CNTNAP4: variants seen among roughly 807,000 people sequenced by gnomAD.
The protein encoded by CNTNAP4 is contactin associated protein family member 4.
A neutral mutation model predicts 148.4 loss-of-function variants in CNTNAP4; 98 were observed. That is an observed-to-expected ratio of 0.66 (90% CI 0.56 to 0.78). The LOEUF is 0.78. Among genes scored for constraint, CNTNAP4 ranks in the 30% least tolerant of loss-of-function variants. The pLI is 0.00. For missense variants in CNTNAP4, 1,935 were observed against 1,565.6 expected (o/e 1.24, Z -3.98); for synonymous variants, 730 against 565.1 (o/e 1.29, Z -4.14).
chr16:76,280,471 T>C (rs1364385240), intron 1 of CNTNAP4, among the ~76,000 whole-genome samples: 1 of 152,208 alleles, frequency 6.6e-6, no homozygotes, highest in Non-Finnish European at 1.5e-5. Context: ...TATGTGTATG[T>C]AGATATCTGT....
intron 1 of CNTNAP4, among the ~76,000 whole-genome samples, chr16:76,303,767 A>G (rs529431999): frequency 6.6e-5 from 10 of 152,306 alleles, no homozygotes; most frequent in East Asian, 1.9e-4. Flanking sequence ...AAAGAAAACT[A>G]TGGTCTTTTG....
At chr16:76,529,244 C>T (rs1194150416) in intron 17 of CNTNAP4, among the ~76,000 whole-genome samples, 2 of 151,852 alleles carry the variant, frequency 1.3e-5, no homozygotes, top group African/African-American at 4.8e-5. Flanking sequence ...TCACTTTGTC[C>T]TTTGTGTGTG....
chr16:76,521,055 A>G, intron 15 of CNTNAP4, 85 bp from the exon 16 acceptor site: 1 of 1,294,560 alleles, frequency 7.7e-7, no homozygotes, highest in Non-Finnish European at 1.1e-6. Flanking sequence ...AGTGCTAAAA[A>G]TAGAACATGT....
At chr16:76,450,115 C>T (rs7202463) in intron 7 of CNTNAP4, among the ~76,000 whole-genome samples, 2,353 of 151,880 alleles carry the variant, frequency 0.015, 65 homozygotes, top group African/African-American at 0.053. Context: ...ATTGTGATGT[C>T]ATTACTCACA....
chr16:76,448,635 C>G (rs2080339203), intron 5 of CNTNAP4, 132 bp from the exon 6 acceptor site: 2 of 616,802 alleles, frequency 3.2e-6, no homozygotes, highest in Non-Finnish European at 2.7e-6. Context: ...GGAAATGCAT[C>G]CTAGTATTTG....
At chr16:76,318,546 T>C (rs1479092846) in intron 2 of CNTNAP4, among the ~76,000 whole-genome samples, 1 of 151,906 alleles carries the variant, frequency 6.6e-6, no homozygotes, top group Non-Finnish European at 1.5e-5. Flanking sequence ...CCTACTTGAT[T>C]ACATTTTTCT....
intron 3 of CNTNAP4, among the ~76,000 whole-genome samples, chr16:76,383,954 T>A (rs1391265214): frequency 6.6e-6 from 1 of 152,226 alleles, no homozygotes; most frequent in East Asian, 1.9e-4. Context: ...TAATGACAGA[T>A]AAATGTTTTC....
chr16:76,404,379 C>T (rs189075426), intron 3 of CNTNAP4, among the ~76,000 whole-genome samples: 76 of 150,954 alleles, frequency 5.0e-4, no homozygotes, highest in African/African-American at 1.8e-3. Flanking sequence ...AATAATAAAT[C>T]CCAGTCTACT....
intron 17 of CNTNAP4, among the ~76,000 whole-genome samples, chr16:76,522,584 TTC>T (rs140375003): frequency 2.3e-4 from 34 of 145,226 alleles, no homozygotes; most frequent in African/African-American, 5.7e-4. Flanking sequence ...CCTCCTTTCT[TTC>T]TCTCTCTCTC....
chr16:76,551,439 A>G (rs977135016), intron 21 of CNTNAP4, among the ~76,000 whole-genome samples: 1 of 150,926 alleles, frequency 6.6e-6, no homozygotes, highest in Non-Finnish European at 1.5e-5. Flanking sequence ...TCAGATGCCC[A>G]GGGTTAGTTA....
intron 1 of CNTNAP4, among the ~76,000 whole-genome samples, chr16:76,292,267 C>A (rs1387341198): frequency 6.6e-6 from 1 of 152,174 alleles, no homozygotes; most frequent in Non-Finnish European, 1.5e-5. Flanking sequence ...GCACCCCTCC[C>A]CTTCCTGCTC....
chr16:76,481,022 A>G (rs2081807997), intron 12 of CNTNAP4, among the ~76,000 whole-genome samples: 1 of 152,252 alleles, frequency 6.6e-6, no homozygotes. Flanking sequence ...GTAAAGCCGT[A>G]TATAGCTGTC....
chr16:76,335,286 G>T (rs1259852504), intron 2 of CNTNAP4, among the ~76,000 whole-genome samples: 1 of 152,120 alleles, frequency 6.6e-6, no homozygotes, highest in African/African-American at 2.4e-5. Context: ...CTATGTGTGA[G>T]ATGATGTAGA....
At chr16:76,278,571 A>G (rs1958571525) in intron 1 of CNTNAP4, among the ~76,000 whole-genome samples, 1 of 152,208 alleles carries the variant, frequency 6.6e-6, no homozygotes, top group Non-Finnish European at 1.5e-5. Flanking sequence ...AAAAGTTTTA[A>G]AAGTTATCTT....
intron 9 of CNTNAP4, among the ~76,000 whole-genome samples, chr16:76,465,565 A>G (rs574732274): frequency 5.9e-5 from 9 of 152,330 alleles, no homozygotes; most frequent in African/African-American, 2.2e-4. Flanking sequence ...AGAAAAGAAG[A>G]TTAGCAGAGT....
At chr16:76,456,613 G>A (rs1012366763) in intron 8 of CNTNAP4, among the ~76,000 whole-genome samples, 9 of 125,426 alleles carry the variant, frequency 7.2e-5, no homozygotes, top group African/African-American at 2.5e-4. Context: ...TGTTATTGTT[G>A]ATGTTCAACA....
At chr16:76,429,090 A>G (rs964799416) in intron 4 of CNTNAP4, among the ~76,000 whole-genome samples, 5 of 152,166 alleles carry the variant, frequency 3.3e-5, no homozygotes, top group Non-Finnish European at 7.4e-5. Context: ...ACCTCTCACT[A>G]TCTGTCCGCC....
intron 14 of CNTNAP4, 131 bp from the exon 15 acceptor site, chr16:76,498,436 A>T (rs1423395697): frequency 5.3e-6 from 3 of 570,386 alleles, no homozygotes; most frequent in Non-Finnish European, 9.0e-6. Context: ...TTCTGTTTTT[A>T]TGTGCTCCGA....
chr16:76,424,006 C>T (rs2079285901), intron 3 of CNTNAP4, among the ~76,000 whole-genome samples: 1 of 152,076 alleles, frequency 6.6e-6, no homozygotes, highest in South Asian at 2.1e-4. Flanking sequence ...ATATCCCCAA[C>T]CTCACAATTT....
Sources: gnomAD v4.1 joint callset for allele counts (sites outside exome capture counted in the v4.1 genomes callset) on GRCh38, gnomAD v4.1.1 for gene constraint, MANE v1.5 for transcripts, NCBI Gene and HGNC (gene_info 2026-07-23, HGNC 2026-07-21) for gene names.